Variants in ANKFN1 observed in about 807,000 individuals in gnomAD.
ANKFN1 encodes the protein ankyrin repeat and fibronectin type III domain containing 1.
In ANKFN1, 74 loss-of-function variants were observed where a neutral mutation model predicts 108.7. The observed-to-expected ratio is 0.68, with a 90% CI of 0.56 to 0.83. ANKFN1 has a LOEUF of 0.83. Among genes scored for constraint, ANKFN1 ranks in the 40% least tolerant of loss-of-function variants. The probability of loss-of-function intolerance (pLI) is 0.00; values close to 1 mark genes in which losing one functional copy is unlikely to be tolerated. For synonymous variants in ANKFN1, 547 were observed against 516.2 expected (o/e 1.06, Z -0.81); for missense variants, 1,505 against 1,382.3 (o/e 1.09, Z -1.41).
At chr17:56,359,820 G>A (rs1004492609) in intron 6 of ANKFN1, among the ~76,000 whole-genome samples, 10 of 152,156 alleles carry the variant, frequency 6.6e-5, no homozygotes, top group Admixed American at 1.3e-4. Context: ...CAATCCAAGC[G>A]AATGTTACCC....
At chr17:56,479,030 C>T (rs947976700) in intron 16 of ANKFN1, among the ~76,000 whole-genome samples, 5 of 152,150 alleles carry the variant, frequency 3.3e-5, no homozygotes, top group African/African-American at 1.2e-4. Context: ...TTAAGTCTGC[C>T]ATCTGGTGGT....
At chr17:56,308,415 G>A (rs1385595161) in intron 3 of ANKFN1, among the ~76,000 whole-genome samples, 8 of 151,950 alleles carry the variant, frequency 5.3e-5, no homozygotes, top group African/African-American at 1.9e-4. Flanking sequence ...TTGTGACCTT[G>A]CTGAACTCAT....
intron 4 of ANKFN1, among the ~76,000 whole-genome samples, chr17:56,332,225 G>A (rs781560168): frequency 5.9e-5 from 9 of 152,082 alleles, no homozygotes; most frequent in Non-Finnish European, 1.3e-4. Context: ...TGGTAGTTTA[G>A]GAGACAGGAT....
At position 56,466,558 on chromosome 17, in the gene ANKFN1, T is replaced by G; in HGVS notation, c.1760T>G (p.Leu587Arg). ...PEEPTALDIL[L>R]ITIQDILSYH... is the part of the protein sequence containing the mutation. ...GAGCCAACAGCTTTAGACATTCTAC[T>G]GATAACCATCCAGGTATGTAGTTTT... The change falls in exon 15 of 21, where the codon CTG becomes CGG. Residue 587 changes from leucine to arginine, a missense_variant. Coordinates refer to ENST00000682825, the MANE Select transcript of ANKFN1 (RefSeq NM_001370326.1). 6.2e-7 allele frequency: 1 copy of G among 1,610,674 alleles called. No homozygotes were observed. Among genetic ancestry groups the G allele is most frequent in the Non-Finnish European group, 8.5e-7 (1 of 1,178,228 alleles).
At chr17:56,178,467 C>T (rs1427172385) in intron 1 of ANKFN1, among the ~76,000 whole-genome samples, 1 of 152,126 alleles carries the variant, frequency 6.6e-6, no homozygotes, top group Admixed American at 6.5e-5. Context: ...AGACTCGAGG[C>T]TGCATGTGGA....
chr17:56,460,705 CA>C (rs753999400), intron 14 of ANKFN1, among the ~76,000 whole-genome samples: 149 of 151,190 alleles, frequency 9.9e-4, no homozygotes, highest in Non-Finnish European at 1.8e-3. Flanking sequence ...ACCATAAGTT[CA>C]TTCCTCCACA....
intron 4 of ANKFN1, among the ~76,000 whole-genome samples, chr17:56,128,765 C>A (rs547934383): frequency 1.3e-5 from 2 of 152,230 alleles, no homozygotes; most frequent in African/African-American, 4.8e-5. Context: ...ACCACAGAAC[C>A]CTTTTAGCTA....
chr17:56,379,272 G>A (rs1008448569), intron 8 of ANKFN1, among the ~76,000 whole-genome samples: 11 of 152,042 alleles, frequency 7.2e-5, no homozygotes, highest in East Asian at 1.9e-4. Context: ...GGTGGCGGGC[G>A]CCTGTAGTCC....
At chr17:56,381,567 T>C (rs1224262164) in intron 8 of ANKFN1, among the ~76,000 whole-genome samples, 1 of 152,098 alleles carries the variant, frequency 6.6e-6, no homozygotes. Flanking sequence ...ATAACTAGAA[T>C]AACCAATACA....
At chr17:56,290,180 T>C (rs981227466) in intron 3 of ANKFN1, among the ~76,000 whole-genome samples, 1 of 152,186 alleles carries the variant, frequency 6.6e-6, no homozygotes, top group African/African-American at 2.4e-5. Context: ...ACCTTCTTCC[T>C]CCTGCTCAAT....
intron 1 of ANKFN1, among the ~76,000 whole-genome samples, chr17:56,174,751 G>A (rs1910979608): frequency 6.6e-6 from 1 of 152,108 alleles, no homozygotes. Flanking sequence ...AACAAAGATT[G>A]ATCTCCCTAG....
intron 8 of ANKFN1, among the ~76,000 whole-genome samples, chr17:56,413,686 G>A (rs575445588): frequency 6.6e-6 from 1 of 152,180 alleles, no homozygotes; most frequent in Non-Finnish European, 1.5e-5. Flanking sequence ...GTAATCATAT[G>A]GTTTCTGTCT....
At chr17:56,077,562 C>G (rs750622636) in intron 4 of ANKFN1, among the ~76,000 whole-genome samples, 3 of 152,180 alleles carry the variant, frequency 2.0e-5, no homozygotes, top group Non-Finnish European at 4.4e-5. Context: ...TTTGGACTGG[C>G]CTTCTGGCTC....
At chr17:56,126,987 T>C (rs1906973515) in intron 4 of ANKFN1, among the ~76,000 whole-genome samples, 1 of 152,202 alleles carries the variant, frequency 6.6e-6, no homozygotes, top group Non-Finnish European at 1.5e-5. Flanking sequence ...CTATCATAAA[T>C]GCTCAAAAAG....
chr17:56,074,324 T>C (rs1267207112), intron 4 of ANKFN1, among the ~76,000 whole-genome samples: 1 of 152,222 alleles, frequency 6.6e-6, no homozygotes, highest in African/African-American at 2.4e-5. Context: ...GCTCCATTAA[T>C]GGTTCCTGTT....
At chr17:56,484,081 A>G (rs1337037616) in intron 18 of ANKFN1, among the ~76,000 whole-genome samples, 2 of 152,232 alleles carry the variant, frequency 1.3e-5, no homozygotes, top group Non-Finnish European at 2.9e-5. Context: ...AAACATAAAT[A>G]AAAAGAAAAC....
At chr17:56,231,068 T>C (rs1916699169) in intron 3 of ANKFN1, among the ~76,000 whole-genome samples, 1 of 152,178 alleles carries the variant, frequency 6.6e-6, no homozygotes, top group Non-Finnish European at 1.5e-5. Flanking sequence ...GCTGAGGCTT[T>C]CATTGTCTGG....
Position 56,251,204 on chromosome 17 carries a change from A to C in ANKFN1, c.53+23247A>C, listed in dbSNP as rs555950112. ...CCAGGAGTTCGAGACCAGCCTGACCAACATGGTGAAACCTCTGTCTCCACT... is the reference window on the plus strand; with the variant it reads ...CCAGGAGTTCGAGACCAGCCTGACCCACATGGTGAAACCTCTGTCTCCACT... On this transcript the variant is annotated intron_variant, in intron 3 of 20. Coordinates refer to ENST00000682825, the MANE Select transcript of ANKFN1 (RefSeq NM_001370326.1). 5.3e-5 allele frequency among the ~76,000 whole-genome samples: 8 copies of C among 152,296 alleles called. No homozygotes were observed. The South Asian group carries it at 1.7e-3, about 32-fold the overall frequency.
Position 56,166,422 on chromosome 17 carries a change from G to A in ANKFN1, c.-71+12892G>A, listed in dbSNP as rs934609052. Among the ~76,000 whole-genome samples, 7 of 152,204 alleles carry A rather than the reference G, an allele frequency of 4.6e-5. No homozygotes were observed. In the South Asian group the frequency reaches 1.0e-3, roughly 23 times the overall value. On this transcript the variant is annotated intron_variant, in intron 1 of 20. Transcript: ENST00000682825. ...AATAAGCTTCAAAATCATCCATGCC[G>A]TCACTTCCAACAGACCAGTTAACTT... is the stretch of plus-strand genomic sequence containing the variant.
Sources: gnomAD v4.1 joint callset for allele counts (sites outside exome capture counted in the v4.1 genomes callset) on GRCh38, gnomAD v4.1.1 for gene constraint, MANE v1.5 for transcripts, NCBI Gene and HGNC (gene_info 2026-07-23, HGNC 2026-07-21) for gene names.